The following ITPR2 variants were observed in gnomAD, a reference collection of about 807,000 sequenced individuals.
ITPR2 encodes the protein inositol 1,4,5-trisphosphate-gated calcium channel ITPR2.
A neutral mutation model predicts 317.1 loss-of-function variants in ITPR2; 207 were observed. The observed-to-expected ratio is 0.65, with a 90% CI of 0.58 to 0.73. The LOEUF is 0.73. Among genes scored for constraint, ITPR2 ranks in the 30% least tolerant of loss-of-function variants. The pLI is 0.00. For synonymous variants in ITPR2, 1,156 were observed against 1,149.1 expected (o/e 1.01, Z -0.12); for missense variants, 2,613 against 3,284.0 (o/e 0.80, Z 4.99).
intron 37 of ITPR2, among the ~76,000 whole-genome samples, chr12:26,499,796 C>T (rs1040595172): frequency 2.0e-5 from 3 of 152,136 alleles, no homozygotes; most frequent in African/African-American, 7.2e-5. Flanking sequence ...TAAATCCTAG[C>T]TTTTTAACTA....
chr12:26,414,996 A>C (rs1940674116), intron 51 of ITPR2, among the ~76,000 whole-genome samples: 1 of 152,126 alleles, frequency 6.6e-6, no homozygotes. Context: ...AAAGATTTTT[A>C]AAGTTATTAT....
chr12:26,730,231 G>A (rs368572538), intron 2 of ITPR2, among the ~76,000 whole-genome samples: 2 of 152,194 alleles, frequency 1.3e-5, no homozygotes, highest in African/African-American at 2.4e-5. Flanking sequence ...AAATGCAGAC[G>A]CCATCACTAA....
intron 49 of ITPR2, chr12:26,419,949 T>C (rs1592006926): frequency 1.3e-5 from 2 of 152,180 alleles, no homozygotes; most frequent in Admixed American, 1.3e-4. Flanking sequence ...AATGTATGTA[T>C]GTATTTTCTA....
chr12:26,339,396 A>G lies in ITPR2; in HGVS notation c.*1T>C, dbSNP rs1172289027. 1 of 1,611,984 alleles carries G rather than the reference A, an allele frequency of 6.2e-7. No individual in the cohort carries two copies. The highest frequency in any genetic ancestry group is 8.5e-7 in the Non-Finnish European group (1 of 1,178,384). The stretch of plus-strand genomic sequence containing the variant: ...GCTAGTCACGGCTTCCCCCCATGGT[A>G]TCAGTGTGGTGGCATGTGATGATTC... On this transcript the variant is annotated 3_prime_UTR_variant, in exon 57 of 57. Transcript: ENST00000381340.
chr12:26,596,742 A>C, intron 31 of ITPR2, 141 bp downstream of exon 31: 1 of 591,268 alleles, frequency 1.7e-6, no homozygotes, highest in Non-Finnish European at 2.6e-6. Context: ...TACATTTTCC[A>C]AATTATATAG....
chr12:26,683,779 C>T (rs1383575430), intron 11 of ITPR2, among the ~76,000 whole-genome samples: 1 of 152,204 alleles, frequency 6.6e-6, no homozygotes, highest in Non-Finnish European at 1.5e-5. Context: ...ACACCTAGAA[C>T]TTCATCCTAC....
At chr12:26,705,151 C>T (rs1948526660) in intron 9 of ITPR2, among the ~76,000 whole-genome samples, 1 of 152,104 alleles carries the variant, frequency 6.6e-6, no homozygotes, top group Admixed American at 6.5e-5. Flanking sequence ...TTTTCCCTGG[C>T]CTGCAACTCT....
At chr12:26,463,060 A>G (rs1942078304) in intron 45 of ITPR2, among the ~76,000 whole-genome samples, 1 of 152,208 alleles carries the variant, frequency 6.6e-6, no homozygotes, top group South Asian at 2.1e-4. Flanking sequence ...GTACACACAT[A>G]AACCCATATA....
chr12:26,661,401 C>G (rs1395383208), intron 15 of ITPR2, among the ~76,000 whole-genome samples: 1 of 151,950 alleles, frequency 6.6e-6, no homozygotes, highest in Non-Finnish European at 1.5e-5. Flanking sequence ...ACCATGTGTG[C>G]CAGACCTTGA....
chr12:26,797,083 G>A (rs1950459290), intron 1 of ITPR2, among the ~76,000 whole-genome samples: 2 of 151,860 alleles, frequency 1.3e-5, no homozygotes, highest in African/African-American at 4.8e-5. Context: ...TCATACAGTA[G>A]AAAACTACCA....
At chr12:26,832,024 G>A (rs987193936) in intron 1 of ITPR2, among the ~76,000 whole-genome samples, 2 of 151,996 alleles carry the variant, frequency 1.3e-5, no homozygotes, top group East Asian at 3.8e-4. Flanking sequence ...GGCCTGGGAA[G>A]GAGAGATAGC....
intron 20 of ITPR2, among the ~76,000 whole-genome samples, chr12:26,654,963 AC>A (rs1280745576): frequency 3.9e-5 from 6 of 152,180 alleles, no homozygotes; most frequent in African/African-American, 1.4e-4. Context: ...CAGGTTCCTG[AC>A]CCATAGAAGC....
chr12:26,623,338 C>T (rs902792620), intron 24 of ITPR2: 7 of 151,776 alleles, frequency 4.6e-5, no homozygotes, highest in African/African-American at 1.7e-4. Context: ...GTTCCCCCAT[C>T]ATTAGTCACT....
At chr12:26,832,620 G>T (rs2137321773) in intron 1 of ITPR2, 70 bp downstream of exon 1, 2 of 1,212,738 alleles carry the variant, frequency 1.6e-6, no homozygotes, top group East Asian at 2.8e-5. Flanking sequence ...ACCGGGCGGC[G>T]GAGGAGGGAC....
At chr12:26,616,956 G>C (rs1050656173) in intron 26 of ITPR2, among the ~76,000 whole-genome samples, 1 of 151,800 alleles carries the variant, frequency 6.6e-6, no homozygotes, top group Non-Finnish European at 1.5e-5. Flanking sequence ...CTTTTCTCTA[G>C]CTTATTTTAT....
chr12:26,720,774 C>T (rs1948823819), intron 5 of ITPR2, among the ~76,000 whole-genome samples: 1 of 152,076 alleles, frequency 6.6e-6, no homozygotes, highest in African/African-American at 2.4e-5. Flanking sequence ...TTTTGGTTTT[C>T]CAGTACAACT....
At chr12:26,555,980 C>T (rs552459317) in intron 36 of ITPR2, among the ~76,000 whole-genome samples, 22 of 152,276 alleles carry the variant, frequency 1.4e-4, no homozygotes, top group African/African-American at 5.1e-4. Context: ...TATTATTTTG[C>T]ATGATACTTT....
intron 39 of ITPR2, among the ~76,000 whole-genome samples, chr12:26,493,882 G>A (rs866780118): frequency 3.3e-5 from 5 of 152,182 alleles, no homozygotes; most frequent in Admixed American, 6.5e-5. Flanking sequence ...CTAATCTCCT[G>A]TGTGCAGGTG....
At chr12:26,675,464 A>G (rs1373905169) in intron 13 of ITPR2, among the ~76,000 whole-genome samples, 1 of 151,414 alleles carries the variant, frequency 6.6e-6, no homozygotes, top group East Asian at 1.9e-4. Flanking sequence ...ACCAAACACC[A>G]CATGTTCTAC....
Sources: gnomAD v4.1 joint callset for allele counts (sites outside exome capture counted in the v4.1 genomes callset) on GRCh38, gnomAD v4.1.1 for gene constraint, MANE v1.5 for transcripts, NCBI Gene and HGNC (gene_info 2026-07-23, HGNC 2026-07-21) for gene names.